UBE2B: variants seen among roughly 807,000 people sequenced by gnomAD.
UBE2B encodes the protein ubiquitin-conjugating enzyme E2 B.
Under a neutral mutation model 24.6 loss-of-function variants are expected in UBE2B, and 11 were observed. The ratio of observed to expected loss-of-function variants is 0.45; its 90% CI spans 0.28 to 0.74. UBE2B has a LOEUF of 0.74. Among genes scored for constraint, UBE2B ranks in the 30% least tolerant of loss-of-function variants. UBE2B has a pLI of 0.13. For missense variants in UBE2B, 78 were observed against 185.6 expected (o/e 0.42, Z 3.37); for synonymous variants, 68 against 62.4 (o/e 1.09, Z -0.42).
At chr5:134,388,158 G>T in intron 4 of UBE2B, 167 bp from the exon 5 acceptor site, 1 of 622,790 alleles carries the variant, frequency 1.6e-6, no homozygotes, top group Non-Finnish European at 2.9e-6. Context: ...CATAGCAGGT[G>T]CAAAATAAGA....
In UBE2B at chr5:134,371,622, C is replaced by T. The variant is rs759906807; in HGVS notation, c.27C>T (p.Leu9=). The part of the protein sequence containing the change: MSTPARRR[L]MRDFKRLQED... ...TGTCGACCCCGGCCCGGAGGAGGCTCATGCGGGATTTCAAGCGGTAAGGGC... is the reference window on the plus strand; with the variant it reads ...TGTCGACCCCGGCCCGGAGGAGGCTTATGCGGGATTTCAAGCGGTAAGGGC... Residue 9 remains leucine (L), a synonymous_variant, in exon 1 of 6, where the codon CTC becomes CTT. Coordinates refer to ENST00000265339, the MANE Select transcript of UBE2B (RefSeq NM_003337.4). 5.0e-6 allele frequency: 8 copies of T among 1,613,208 alleles called. No homozygotes were observed. In the South Asian group the frequency reaches 5.5e-5, roughly 11 times the overall value.
chr5:134,373,488 A>G (rs1464661601), intron 1 of UBE2B, among the ~76,000 whole-genome samples: 1 of 152,042 alleles, frequency 6.6e-6, no homozygotes, highest in Admixed American at 6.6e-5. Context: ...TTTTTTAAAT[A>G]TATTTTAATT....
At chr5:134,379,536 C>T (rs1758669413) in intron 3 of UBE2B, among the ~76,000 whole-genome samples, 2 of 151,730 alleles carry the variant, frequency 1.3e-5, no homozygotes, top group African/African-American at 4.8e-5. Context: ...ATCTCAGCTA[C>T]CCCAGAGGCT....
At chr5:134,383,756 G>A (rs1048494726) in intron 4 of UBE2B, among the ~76,000 whole-genome samples, 3 of 151,852 alleles carry the variant, frequency 2.0e-5, no homozygotes, top group African/African-American at 7.3e-5. Context: ...CACCGTGCCC[G>A]GCCTCAAAAT....
chr5:134,390,454 T>G lies in UBE2B; in HGVS notation c.*101T>G. 6.7e-7 allele frequency: 1 copy of G among 1,483,812 alleles called. No homozygotes were observed. Among genetic ancestry groups the G allele is most frequent in the Non-Finnish European group, 9.2e-7 (1 of 1,087,604 alleles). 91.9% of individuals were successfully genotyped at this position (1,483,812 alleles called of 1,614,324 possible). Reference sequence around the variant, plus strand: ...TAAGTGCCACAGGTTTTAAGGATTCTGCAGAAAAAAAAGAAAAAAGTCCTT... The same window carrying G: ...TAAGTGCCACAGGTTTTAAGGATTCGGCAGAAAAAAAAGAAAAAAGTCCTT... On this transcript the variant is annotated 3_prime_UTR_variant, in exon 6 of 6. Transcript: ENST00000265339. This position sits in a 1 kb window ranked among gnomAD's most constrained non-coding sequence, Gnocchi z 4.6.
At chr5:134,377,615 G>T (rs1186948050) in intron 3 of UBE2B, among the ~76,000 whole-genome samples, 2 of 151,978 alleles carry the variant, frequency 1.3e-5, no homozygotes, top group African/African-American at 4.8e-5. Context: ...ATTATCTGTG[G>T]GGGGGGTAAG....
Position 134,371,731 on chromosome 5 carries a change from C to T in UBE2B, c.44+92C>T. On this transcript the variant is annotated intron_variant, in intron 1 of 5. Transcript: ENST00000265339. Reference sequence around the variant, plus strand: ...CAGACACCTTCCCCTTTGTGACCCTCAGAGGGCCGGCTGTGGGCCCAGCGG... The same window carrying T: ...CAGACACCTTCCCCTTTGTGACCCTTAGAGGGCCGGCTGTGGGCCCAGCGG... 2.6e-6 allele frequency: 4 copies of T among 1,568,466 alleles called. No homozygotes were observed. The South Asian group carries it at 4.5e-5, about 18-fold the overall frequency.
At chr5:134,375,465 G>A (rs776653523) in intron 2 of UBE2B, among the ~76,000 whole-genome samples, 4 of 152,100 alleles carry the variant, frequency 2.6e-5, no homozygotes, top group African/African-American at 4.8e-5. Context: ...TTAAAGACTA[G>A]TGGAAAATGA....
At chr5:134,376,348 A>AAAAAAAAAAAATATATATAT (rs1554114145) in intron 2 of UBE2B, among the ~76,000 whole-genome samples, 1 of 4,772 alleles carries the variant, frequency 2.1e-4, no homozygotes, top group African/African-American at 4.4e-4. Flanking sequence ...AAAAAAAAAA[A>AAAAAAAAAAAATATATATAT]ATATATATAT....
chr5:134,371,896 T>C (rs1490908957), intron 1 of UBE2B, among the ~76,000 whole-genome samples: 1 of 152,228 alleles, frequency 6.6e-6, no homozygotes, highest in Non-Finnish European at 1.5e-5. Context: ...TAGGGTTCCC[T>C]GCTGCCCATT....
chr5:134,383,558 C>T (rs993108421), intron 4 of UBE2B, among the ~76,000 whole-genome samples: 2 of 145,826 alleles, frequency 1.4e-5, no homozygotes, highest in East Asian at 4.1e-4. Flanking sequence ...TCTCGGCTCA[C>T]GGCAACCTCT....
At chr5:134,376,239 T>C (rs916208162) in intron 2 of UBE2B, among the ~76,000 whole-genome samples, 1 of 142,700 alleles carries the variant, frequency 7.0e-6, no homozygotes, top group Admixed American at 7.2e-5. Context: ...GGAGAATCAC[T>C]TGAATCCAGG....
chr5:134,384,300 AC>A (rs1482669396), intron 4 of UBE2B, among the ~76,000 whole-genome samples: 2 of 151,750 alleles, frequency 1.3e-5, no homozygotes, highest in Non-Finnish European at 2.9e-5. Flanking sequence ...AGTAATAGAT[AC>A]TACCTTTGGC....
chr5:134,388,916 TA>T (rs1433195213), intron 5 of UBE2B: 4 of 365,774 alleles, frequency 1.1e-5, no homozygotes, highest in South Asian at 2.1e-5. Flanking sequence ...ATGTTCTTTT[TA>T]AAGTTTTTTC....
chr5:134,387,663 C>T (rs573317130), intron 4 of UBE2B, among the ~76,000 whole-genome samples: 38 of 152,292 alleles, frequency 2.5e-4, no homozygotes, highest in Non-Finnish European at 2.9e-4. Context: ...AGTGAGCACA[C>T]AAGACATAAG....
intron 4 of UBE2B, among the ~76,000 whole-genome samples, chr5:134,381,210 C>T (rs1262933567): frequency 1.3e-5 from 2 of 151,848 alleles, no homozygotes; most frequent in Non-Finnish European, 1.5e-5. Context: ...TTGTGATCTG[C>T]CCACCTTGGC....
intron 1 of UBE2B, 104 bp from the exon 2 acceptor site, chr5:134,374,275 GAGTT>G: frequency 3.1e-6 from 3 of 969,478 alleles, no homozygotes; most frequent in Non-Finnish European, 4.9e-6. Context: ...CAAGGAAATG[GAGTT>G]AGTCTGTGTC....
chr5:134,374,109 A>G (rs1027961342), intron 1 of UBE2B, among the ~76,000 whole-genome samples: 9 of 152,206 alleles, frequency 5.9e-5, no homozygotes, highest in African/African-American at 1.9e-4. Context: ...CAACAGTGTA[A>G]AAGTGTTCCT....
intron 4 of UBE2B, among the ~76,000 whole-genome samples, chr5:134,381,595 ACT>A (rs548082639): frequency 1.7e-3 from 255 of 152,148 alleles, no homozygotes; most frequent in African/African-American, 5.4e-3. Context: ...CTGTAGCTAG[ACT>A]CTTACAAAGC....
Sources: allele counts gnomAD v4.1 joint callset (sites outside exome capture counted in the v4.1 genomes callset), GRCh38; gene constraint gnomAD v4.1.1; non-coding constraint Gnocchi (gnomAD v3.1); transcripts MANE v1.5; gene names NCBI Gene and HGNC (gene_info 2026-07-23, HGNC 2026-07-21).